MPV17L: variants seen among roughly 807,000 people sequenced by gnomAD.
MPV17L encodes the protein MPV17 mitochondrial inner membrane protein like.
Under a neutral mutation model 25.8 loss-of-function variants are expected in MPV17L, and 24 were observed. The ratio of observed to expected loss-of-function variants is 0.93; its 90% CI spans 0.67 to 1.31. The LOEUF is 1.31. Among genes scored for constraint, MPV17L ranks in the 50% most tolerant of loss-of-function variants. MPV17L has a pLI of 0.00. For missense variants in MPV17L, 250 were observed against 265.6 expected, an observed-to-expected ratio of 0.94 and a Z score of 0.41; for synonymous variants, 102 against 115.3, an observed-to-expected ratio of 0.88 and a Z score of 0.74.
Position 15,410,093 on chromosome 16 carries a change from A to G in MPV17L, c.*1981A>G, listed in dbSNP as rs1567435191. ...CATGAGAAACTTGATCTAATATTTA[A>G]TATTTATTCAGTTCTACACTTTATT... On this transcript the variant is annotated 3_prime_UTR_variant, in exon 4 of 4. Coordinates refer to ENST00000396385, the MANE Select transcript of MPV17L (RefSeq NM_001128423.2). The G allele has an allele frequency of 1.3e-5, 2 of 152,156 alleles. No individual in the cohort carries two copies. Among genetic ancestry groups the G allele is most frequent in the Non-Finnish European group, 2.9e-5 (2 of 68,038 alleles). 9.4% of individuals were successfully genotyped at this position (152,156 alleles called of 1,614,324 possible).
rs2050736687 is a variant in MPV17L at position 15,411,923 on chromosome 16, G to A, written c.*3811G>A. 1 of 152,118 alleles carries A rather than the reference G, an allele frequency of 6.6e-6. No homozygotes were observed. Among genetic ancestry groups the A allele is most frequent in the Non-Finnish European group, 1.5e-5 (1 of 68,030 alleles). 9.4% of individuals were successfully genotyped at this position (152,118 alleles called of 1,614,324 possible). ...GCCGATAAATATAAAAAGTATTAAA[G>A]TACTAACAGAAGAAAATTTCCACTG... is the stretch of plus-strand genomic sequence containing the variant. On this transcript the variant is annotated 3_prime_UTR_variant, in exon 4 of 4. Transcript: ENST00000396385.
At chr16:15,397,808 T>A (rs923113532) in intron 1 of MPV17L, among the ~76,000 whole-genome samples, 20 of 108,250 alleles carry the variant, frequency 1.8e-4, no homozygotes, top group African/African-American at 6.1e-4. Flanking sequence ...TGGTTGCCTG[T>A]TGTCATTGCG....
rs2050712660 is a variant in MPV17L at position 15,409,357 on chromosome 16, C to T, written c.*1245C>T. The T allele has an allele frequency of 6.6e-6, 1 of 152,660 alleles. No individual in the cohort carries two copies. The highest frequency in any genetic ancestry group is 1.5e-5 in the Non-Finnish European group (1 of 68,144). 9.5% of individuals were successfully genotyped at this position (152,660 alleles called of 1,614,324 possible). A position where few individuals can be genotyped will look rare whatever the true frequency, so the allele number is the denominator to read the frequency against. ...CATATCCCAGTGACCTGCACATATACATCCAGATGGCCTGAAGTTACTGAA... is the reference window on the plus strand; with the variant it reads ...CATATCCCAGTGACCTGCACATATATATCCAGATGGCCTGAAGTTACTGAA... On this transcript the variant is annotated 3_prime_UTR_variant, in exon 4 of 4. Transcript: ENST00000396385.
Position 15,408,103 on chromosome 16 carries a change from G to C in MPV17L, c.582G>C (p.Pro194=), listed in dbSNP as rs758471289. The C allele has an allele frequency of 1.3e-6, 2 of 1,591,682 alleles. No homozygotes were observed. Among genetic ancestry groups the C allele is most frequent in the Non-Finnish European group, 1.7e-6 (2 of 1,167,178 alleles). ...GGACCAGTGCCACAGAAGGGTACCC[G>C]AAGAAATGAGAAGTCAAGGACTCTC... ...TKGTSATEGY[P]KK The change falls in exon 4 of 4, where the codon CCG becomes CCC. Residue 194 remains proline, a synonymous_variant. Coordinates refer to ENST00000396385, the MANE Select transcript of MPV17L (RefSeq NM_001128423.2).
chr16:15,396,090 G>T lies in MPV17L; in HGVS notation c.193G>T (p.Val65Leu), dbSNP rs369509139. Residue 65 changes from valine to leucine, a missense_variant, in exon 1 of 4, where the codon GTG becomes TTG. Val to Leu is a conservative substitution (Grantham distance 32). Coordinates refer to ENST00000396385, the MANE Select transcript of MPV17L (RefSeq NM_001128423.2). ...VVTFHANFNYVWLRLLERALP... is the reference protein window; with the variant it reads ...VVTFHANFNYLWLRLLERALP... ...GACCTTCCACGCCAACTTCAACTACGTGTGGCTGCGCCTGCTGGAGCGCGC... is the reference window on the plus strand; with the variant it reads ...GACCTTCCACGCCAACTTCAACTACTTGTGGCTGCGCCTGCTGGAGCGCGC... The T allele has an allele frequency of 6.5e-7, 1 of 1,545,376 alleles. No homozygotes were observed.
At chr16:15,398,673 C>A (rs2050608180) in intron 1 of MPV17L, among the ~76,000 whole-genome samples, 1 of 150,414 alleles carries the variant, frequency 6.6e-6, no homozygotes, top group African/African-American at 2.4e-5. Flanking sequence ...ACTGCAACCT[C>A]AGCCTCCCAG....
chr16:15,407,444 G>C (rs2050690232), intron 2 of MPV17L, among the ~76,000 whole-genome samples: 1 of 152,012 alleles, frequency 6.6e-6, no homozygotes, highest in Non-Finnish European at 1.5e-5. Context: ...TGTTTTGTGT[G>C]GTTAAAAGGT....
At position 15,396,229 on chromosome 16, in the gene MPV17L, T is replaced by G. The variant is rs779791026; in HGVS notation, c.310+22T>G. ...GTCGGTGAGGGGCCGGGAGGGGACC[T>G]GGGGGGTGGGACCCAGTATTGGGGG... On this transcript the variant is annotated intron_variant, in intron 1 of 3. Transcript: ENST00000396385. 3.3e-6 allele frequency: 5 copies of G among 1,536,150 alleles called. No homozygotes were observed. The South Asian group carries it at 3.6e-5, about 11-fold the overall frequency.
intron 1 of MPV17L, among the ~76,000 whole-genome samples, 177 bp from the exon 2 acceptor site, chr16:15,400,610 G>A (rs531620439): frequency 2.0e-5 from 3 of 152,016 alleles, no homozygotes; most frequent in South Asian, 4.2e-4. Flanking sequence ...TCGGCCTCCC[G>A]TTACAGGCTT....
In MPV17L at chr16:15,396,007, G is replaced by A. The variant is rs769310486; in HGVS notation, c.110G>A (p.Arg37Gln). 6.6e-7 allele frequency: 1 copy of A among 1,521,410 alleles called. No homozygotes were observed. The highest frequency in any genetic ancestry group is 2.5e-5 in the East Asian group (1 of 39,414). The allele number at this position is 1,521,410 out of a possible 1,614,324, so 94.2% of individuals were successfully genotyped here. Reference protein sequence around the residue: ...LVSAGDALQQRLQGREANWRQ... With the variant: ...LVSAGDALQQQLQGREANWRQ... Reference sequence around the variant, plus strand: ...TCGGCCGGGGACGCGCTGCAACAGCGGCTGCAGGGCCGCGAGGCCAACTGG... The same window carrying A: ...TCGGCCGGGGACGCGCTGCAACAGCAGCTGCAGGGCCGCGAGGCCAACTGG... The change falls in exon 1 of 4, where the codon CGG becomes CAG. Residue 37 changes from arginine to glutamine, a missense_variant. Arg to Gln is a conservative substitution (Grantham distance 43, BLOSUM62 1). Transcript: ENST00000396385.
At chr16:15,396,553 T>C (rs1444488742) in intron 1 of MPV17L, among the ~76,000 whole-genome samples, 1 of 152,080 alleles carries the variant, frequency 6.6e-6, no homozygotes, top group African/African-American at 2.4e-5. Context: ...TGCGGAGGTC[T>C]TTGCCCCCTG....
At chr16:15,397,400 C>T (rs1359809894) in intron 1 of MPV17L, among the ~76,000 whole-genome samples, 1 of 152,138 alleles carries the variant, frequency 6.6e-6, no homozygotes, top group East Asian at 1.9e-4. Flanking sequence ...TCATTCCGCC[C>T]AGGGTTGGGG....
chr16:15,410,681 G>A lies in MPV17L; in HGVS notation c.*2569G>A, dbSNP rs1371794897. ...ATTTATCCTGAGAATGTATATTTAA[G>A]CTTAATTTAAGACTATATACCTAAA... On this transcript the variant is annotated 3_prime_UTR_variant, in exon 4 of 4. Coordinates refer to ENST00000396385, the MANE Select transcript of MPV17L (RefSeq NM_001128423.2). The A allele has an allele frequency of 6.6e-6, 1 of 152,136 alleles. No homozygotes were observed. Among genetic ancestry groups the A allele is most frequent in the Non-Finnish European group, 1.5e-5 (1 of 68,032 alleles). 9.4% of individuals were successfully genotyped at this position (152,136 alleles called of 1,614,324 possible).
chr16:15,398,574 TTTC>T (rs1449099141), intron 1 of MPV17L, among the ~76,000 whole-genome samples: 4 of 144,302 alleles, frequency 2.8e-5, no homozygotes, highest in African/African-American at 1.0e-4. Flanking sequence ...GTCTTCAGTT[TTTC>T]TTTTCTTTCT....
intron 2 of MPV17L, among the ~76,000 whole-genome samples, chr16:15,404,513 T>C (rs2050664692): frequency 6.6e-6 from 1 of 151,926 alleles, no homozygotes; most frequent in South Asian, 2.1e-4. Context: ...TTGGGCAACA[T>C]AGCAAGACCC....
intron 1 of MPV17L, among the ~76,000 whole-genome samples, 160 bp from the exon 2 acceptor site, chr16:15,400,627 C>T (rs1461656610): frequency 2.0e-5 from 3 of 152,194 alleles, no homozygotes; most frequent in East Asian, 1.9e-4. Flanking sequence ...GCTTGAGCCA[C>T]GGCGCCTGTC....
chr16:15,401,069 TATATATATATATA>T (rs1381011386), intron 2 of MPV17L, among the ~76,000 whole-genome samples: 2 of 29,508 alleles, frequency 6.8e-5, no homozygotes, highest in Non-Finnish European at 2.1e-4. Flanking sequence ...TATATATATA[TATATATATATATA>T]TATATTTTTT....
chr16:15,397,882 C>G (rs1414251718), intron 1 of MPV17L, among the ~76,000 whole-genome samples: 1 of 152,052 alleles, frequency 6.6e-6, no homozygotes, highest in African/African-American at 2.4e-5. Context: ...GCTAGGGCCT[C>G]CTGTTTTATC....
Position 15,395,789 on chromosome 16 carries a change from G to C in MPV17L, c.-109G>C. On this transcript the variant is annotated 5_prime_UTR_variant, in exon 1 of 4. Transcript: ENST00000396385. ...GAGCTTCTGGAGGGGGCAGATGCAG[G>C]TGCCGGCTGCTGCAGTGCAGTAGCT... 9.8e-7 allele frequency: 1 copy of C among 1,020,470 alleles called. No individual in the cohort carries two copies. The highest frequency in any genetic ancestry group is 1.3e-6 in the Non-Finnish European group (1 of 761,620). 63.2% of individuals were successfully genotyped at this position (1,020,470 alleles called of 1,614,324 possible).
Sources: gnomAD v4.1 joint callset for allele counts (sites outside exome capture counted in the v4.1 genomes callset) on GRCh38, gnomAD v4.1.1 for gene constraint, MANE v1.5 for transcripts, NCBI Gene and HGNC (gene_info 2026-07-23, HGNC 2026-07-21) for gene names.